The following CASP6 variants were observed in gnomAD, a reference collection of about 807,000 sequenced individuals.
CASP6 encodes the protein caspase 6, also known as caspase-6.
CASP6 carries 20 observed loss-of-function variants against 31.8 expected under a neutral mutation model. The observed-to-expected ratio is 0.63, with a 90% confidence interval of 0.44 to 0.91. CASP6 has a LOEUF of 0.91. CASP6 is among the 40% of genes least tolerant of loss of function. The probability of loss-of-function intolerance (pLI) is 0.00; values close to 1 mark genes in which losing one functional copy is unlikely to be tolerated. For missense variants in CASP6, 328 were observed against 361.1 expected, an observed-to-expected ratio of 0.91 and a Z score of 0.74; for synonymous variants, 130 against 127.8, an observed-to-expected ratio of 1.02 and a Z score of -0.12.
At chr4:109,696,301 A>T in intron 4 of CASP6, 109 bp downstream of exon 4, 1 of 755,240 alleles carries the variant, frequency 1.3e-6, no homozygotes, top group Non-Finnish European at 2.1e-6. Flanking sequence ...GTGCTAAATT[A>T]ATACTTTTTT....
chr4:109,685,286 T>G, downstream of CASP6: 1 of 1,568,648 alleles, frequency 6.4e-7, no homozygotes, highest in Non-Finnish European at 8.8e-7. Context: ...GTAGGCAATT[T>G]CTTCAGTTCT....
chr4:109,695,460 G>T (rs952837943), intron 4 of CASP6, among the ~76,000 whole-genome samples: 1 of 152,076 alleles, frequency 6.6e-6, no homozygotes, highest in Non-Finnish European at 1.5e-5. Context: ...TTCACTATAG[G>T]AATACAGCAC....
chr4:109,706,026 ATATAT>A (rs1561266739), upstream of CASP6, among the ~76,000 whole-genome samples: 5 of 109,110 alleles, frequency 4.6e-5, no homozygotes, highest in African/African-American at 2.1e-4. Context: ...ATATATATAT[ATATAT>A]AATATATATA....
chr4:109,695,193 C>A (rs899117949), intron 4 of CASP6, among the ~76,000 whole-genome samples: 1 of 152,006 alleles, frequency 6.6e-6, no homozygotes, highest in African/African-American at 2.4e-5. Flanking sequence ...AAACAATATA[C>A]CGTACTGTAT....
At chr4:109,665,326 G>T in the CASP6 span, among the ~76,000 whole-genome samples, 1 of 152,094 alleles carries the variant, frequency 6.6e-6, no homozygotes, top group African/African-American at 2.4e-5. Context: ...GATGTTTAAT[G>T]ATGTTTTTAT....
rs765586832 is a variant in CASP6 at position 109,689,539 on chromosome 4, C to T, written c.673G>A (p.Gly225Ser). 2.2e-5 allele frequency: 36 copies of T among 1,613,962 alleles called. No homozygotes were observed. Among genetic ancestry groups the T allele is most frequent in the Admixed American group, 5.0e-5 (3 of 59,992 alleles). ...CACAAATCTTGAATGTACCATGAGC[C>T]GTTCACAGTTTCCCGGTGAGAATAA... ...GYYSHRETVN[G>S]SWYIQDLCEM... The change falls in exon 7 of 7, where the codon GGC becomes AGC. Residue 225 changes from glycine to serine, a missense_variant. Physicochemically the swap from Gly to Ser is moderately conservative, Grantham distance 56. Coordinates refer to ENST00000265164, the MANE Select transcript of CASP6 (RefSeq NM_001226.4).
At chr4:109,696,374 G>C (rs1730239329) in intron 4 of CASP6, 36 bp downstream of exon 4, 13 of 1,447,206 alleles carry the variant, frequency 9.0e-6, no homozygotes, top group African/African-American at 1.4e-5. Context: ...GGTTTCATTA[G>C]AGGAAGATGA....
At chr4:109,679,374 G>A in the CASP6 span, among the ~76,000 whole-genome samples, 1 of 152,214 alleles carries the variant, frequency 6.6e-6, no homozygotes, top group Non-Finnish European at 1.5e-5. Context: ...CACTGAGTGA[G>A]CGAGACTCCG....
At chr4:109,679,515 A>T in the CASP6 span, among the ~76,000 whole-genome samples, 1 of 152,136 alleles carries the variant, frequency 6.6e-6, no homozygotes, top group South Asian at 2.1e-4. Context: ...GAGTGGCAGC[A>T]CGTGCCTGGA....
At chr4:109,673,475 G>A in the CASP6 span, among the ~76,000 whole-genome samples, 714 of 152,304 alleles carry the variant, frequency 4.7e-3, 7 homozygotes, top group African/African-American at 0.016. Context: ...AGTGAGCCCA[G>A]GTTTCCCTGT....
chr4:109,685,460 A>G, downstream of CASP6: 1 of 603,138 alleles, frequency 1.7e-6, no homozygotes. Flanking sequence ...CACAAATTAA[A>G]TCTTGGTCCT....
In CASP6 at chr4:109,690,871, TGAG is replaced by T; in HGVS notation, c.619_621del (p.Leu207del). The T allele has an allele frequency of 6.2e-7, 1 of 1,612,110 alleles. No individual in the cohort carries two copies. The highest frequency in any genetic ancestry group is 8.5e-7 in the Non-Finnish European group (1 of 1,179,192). ...ACACCTTCTGCAACAGAGTAACACA[TGAG>T]GAAGTCAGCTCCAGCAGGCAGCGTG... On this transcript the variant is annotated inframe_deletion, in exon 6 of 7. Transcript: ENST00000265164.
intron 1 of CASP6, 116 bp from the exon 2 acceptor site, chr4:109,698,458 GT>G: frequency 1.3e-6 from 1 of 766,498 alleles, no homozygotes; most frequent in Non-Finnish European, 2.0e-6. Flanking sequence ...GTTTTGGTTA[GT>G]TTAAAAGCCA....
At chr4:109,682,934 C>G in the CASP6 span, 6 of 512,346 alleles carry the variant, frequency 1.2e-5, no homozygotes, top group Non-Finnish European at 2.1e-5. Context: ...AGAGCTGTAT[C>G]GCTAATACAT....
In CASP6 at chr4:109,697,714, A is replaced by G; in HGVS notation, c.138T>C (p.Ile46=). The G allele has an allele frequency of 6.2e-7, 1 of 1,614,038 alleles. No individual in the cohort carries two copies. Among genetic ancestry groups the G allele is most frequent in the Non-Finnish European group, 8.5e-7 (1 of 1,179,954 alleles). The change falls in exon 3 of 7, where the codon ATT becomes ATC. Residue 46 remains isoleucine, a synonymous_variant. Coordinates refer to ENST00000265164, the MANE Select transcript of CASP6 (RefSeq NM_001226.4). ...ACCTCTCATGATTGAAGATTAAAGC[A>G]ATTCCTCTCCTCCTGTGGTCCATTT... ...KYKMDHRRRG[I]ALIFNHERFF... is the part of the protein sequence containing the mutation.
At chr4:109,685,025 G>T, downstream of CASP6, 1 of 412,370 alleles carries the variant, frequency 2.4e-6, no homozygotes. Flanking sequence ...TTCCCATTAT[G>T]TGTAATTTCT....
At chr4:109,686,162 C>CA (rs1185587210), downstream of CASP6, among the ~76,000 whole-genome samples, 1 of 152,128 alleles carries the variant, frequency 6.6e-6, no homozygotes, top group African/African-American at 2.4e-5. Flanking sequence ...TTTTTTGAGA[C>CA]AGATTCTTGC....
chr4:109,708,613 T>C, the CASP6 span, among the ~76,000 whole-genome samples: 2 of 152,196 alleles, frequency 1.3e-5, no homozygotes, highest in Admixed American at 6.5e-5. Flanking sequence ...CCTGAAAACA[T>C]TCCCTCGACA....
intron 5 of CASP6, among the ~76,000 whole-genome samples, chr4:109,694,095 A>G (rs1315445531): frequency 6.6e-6 from 1 of 152,198 alleles, no homozygotes; most frequent in Admixed American, 6.5e-5. Context: ...TTAAGGGGCA[A>G]TGTGAAAGGG....
Sources: allele counts gnomAD v4.1 joint callset (sites outside exome capture counted in the v4.1 genomes callset), GRCh38; gene constraint gnomAD v4.1.1; transcripts MANE v1.5; gene names NCBI Gene and HGNC (gene_info 2026-07-23, HGNC 2026-07-21).